The following TRIM29 variants were observed in gnomAD, a reference collection of about 807,000 sequenced individuals.
The protein encoded by TRIM29 is tripartite motif-containing protein 29.
Under a neutral mutation model 57.3 loss-of-function variants are expected in TRIM29, and 52 were observed. The observed-to-expected ratio is 0.91, with a 90% CI of 0.73 to 1.14. TRIM29 has a LOEUF of 1.14. Among genes scored for constraint, TRIM29 ranks in the 50% most tolerant of loss-of-function variants. TRIM29 has a pLI of 0.00. For missense variants in TRIM29, 753 were observed against 774.6 expected (o/e 0.97, Z 0.33); for synonymous variants, 319 against 316.9 (o/e 1.01, Z -0.07).
rs541559605 is a variant in TRIM29 at position 120,122,847 on chromosome 11, C to T, written c.1435+107G>A. 3.6e-6 allele frequency: 3 copies of T among 830,200 alleles called. No individual in the cohort carries two copies. In the South Asian group the frequency reaches 4.7e-5, roughly 13 times the overall value. The allele number at this position is 830,200 out of a possible 1,614,324, so 51.4% of individuals were successfully genotyped here. A position where few individuals can be genotyped will look rare whatever the true frequency, so the allele number is the denominator to read the frequency against. On this transcript the variant is annotated intron_variant, in intron 5 of 8. Transcript: ENST00000341846. ...ACTTTCCCAGGCAAACTGGACATGC[C>T]ATCACCCCCACTCAGAAGGAACCTG...
chr11:120,134,929 G>A (rs539825039), intron 1 of TRIM29, among the ~76,000 whole-genome samples: 11 of 152,302 alleles, frequency 7.2e-5, no homozygotes, highest in East Asian at 1.9e-4. Flanking sequence ...ACGGTTTGAC[G>A]TTAACTTCTA....
intron 7 of TRIM29, 75 bp downstream of exon 7, chr11:120,118,148 G>A (rs1245561244): frequency 3.7e-6 from 5 of 1,359,900 alleles, no homozygotes; most frequent in East Asian, 2.4e-5. Flanking sequence ...GCAGCTCAGC[G>A]AAGAGACCCA....
Position 120,112,244 on chromosome 11 carries a change from G to A in TRIM29, c.*170C>T, listed in dbSNP as rs1182778324. On this transcript the variant is annotated 3_prime_UTR_variant, in exon 9 of 9. Transcript: ENST00000341846. ...AGTCTGAATGGAGTGTGGCCAGTGG[G>A]GAAGTCGGAGAGGCCGGAACTGCCC... is the stretch of plus-strand genomic sequence containing the variant. The A allele has an allele frequency of 4.7e-6, 3 of 640,732 alleles. No homozygotes were observed. Among genetic ancestry groups the A allele is most frequent in the Non-Finnish European group, 8.0e-6 (3 of 374,778 alleles). The allele number at this position is 640,732 out of a possible 1,614,324, so 39.7% of individuals were successfully genotyped here.
At chr11:120,120,215 G>A (rs1360350948) in intron 6 of TRIM29, among the ~76,000 whole-genome samples, 1 of 151,878 alleles carries the variant, frequency 6.6e-6, no homozygotes. Flanking sequence ...CAAGGTGGCT[G>A]CTCAGACCCA....
chr11:120,117,069 G>A (rs1452878524), intron 7 of TRIM29: 1 of 431,912 alleles, frequency 2.3e-6, no homozygotes, highest in African/African-American at 2.0e-5. Flanking sequence ...TGCTGGGAGA[G>A]AGAGAGGCAT....
At chr11:120,114,692 G>T (rs1191144541) in intron 8 of TRIM29, among the ~76,000 whole-genome samples, 1 of 152,156 alleles carries the variant, frequency 6.6e-6, no homozygotes. Context: ...GGGCACTGGG[G>T]ATCATCTCAG....
chr11:120,115,539 C>T, intron 7 of TRIM29, 125 bp from the exon 8 acceptor site: 2 of 833,746 alleles, frequency 2.4e-6, no homozygotes, highest in Non-Finnish European at 1.9e-6. Context: ...TTACCAAATG[C>T]AGCCGTCTGA....
Position 120,120,573 on chromosome 11 carries a change from C to T in TRIM29, c.1528G>A (p.Gly510Ser), listed in dbSNP as rs1363664917. 1.9e-6 allele frequency: 3 copies of T among 1,612,698 alleles called. No individual in the cohort carries two copies. The highest frequency in any genetic ancestry group is 2.2e-5 in the East Asian group (1 of 44,860). ...KNFNNLYGTK[G>S]NYTSRVWEYS... ...ACCCTTGAGCTGAGCCACCACCTAC[C>T]TTTGGTGCCATAGAGATTGTTGAAA... Residue 510 changes from glycine (G) to serine (S), a missense_variant and splice_region_variant, in exon 6 of 9, where the codon GGT becomes AGT. Transcript: ENST00000341846.
At chr11:120,131,255 G>A (rs1863716962) in intron 1 of TRIM29, among the ~76,000 whole-genome samples, 1 of 152,120 alleles carries the variant, frequency 6.6e-6, no homozygotes, top group East Asian at 1.9e-4. Context: ...CAAGACAGAC[G>A]AAGGAGATAG....
rs1227900077 is a variant in TRIM29 at position 120,111,959 on chromosome 11, G to A, written c.*455C>T. On this transcript the variant is annotated 3_prime_UTR_variant, in exon 9 of 9. Coordinates refer to ENST00000341846, the MANE Select transcript of TRIM29 (RefSeq NM_012101.4). The stretch of plus-strand genomic sequence containing the variant: ...TGGGCCATGTGAATGGGAGATGGGT[G>A]GCTGTGCTGTCCAGGCATCTGCTGA... The A allele has an allele frequency of 5.6e-6, 1 of 179,606 alleles. No individual in the cohort carries two copies. The highest frequency in any genetic ancestry group is 2.4e-5 in the African/African-American group (1 of 41,632). 11.1% of individuals were successfully genotyped at this position (179,606 alleles called of 1,614,324 possible).
At chr11:120,121,391 G>A (rs1241023015) in intron 5 of TRIM29, 1 of 157,416 alleles carries the variant, frequency 6.4e-6, no homozygotes, top group African/African-American at 2.4e-5. Context: ...TCAGGACCCA[G>A]TCCCTTTAGG....
At chr11:120,120,995 G>A in intron 5 of TRIM29, 2 of 397,888 alleles carry the variant, frequency 5.0e-6, no homozygotes, top group South Asian at 4.1e-5. Context: ...CCTCCCAGGG[G>A]CCCACCCAGG....
intron 5 of TRIM29, 80 bp from the exon 6 acceptor site, chr11:120,120,745 G>C (rs1377393651): frequency 4.9e-6 from 6 of 1,222,308 alleles, no homozygotes; most frequent in African/African-American, 3.0e-5. Flanking sequence ...TTGCCCAAGT[G>C]CCCATCACAG....
At position 120,119,248 on chromosome 11, in the gene TRIM29, G is replaced by T. The variant is rs3781667; in HGVS notation, c.1529-927C>A. 0.015 allele frequency among the ~76,000 whole-genome samples: 2,311 copies of T among 152,214 alleles called. 108 individuals carry two copies. The East Asian group carries it at 0.16, about 10-fold the overall frequency. ...GAGTGGGGGGCTCAGAGTCCCCATG[G>T]GTGACGCACACTTCTCCAGCACCAC... On this transcript the variant is annotated intron_variant, in intron 6 of 8. Transcript: ENST00000341846.
At chr11:120,134,450 C>G (rs1258468531) in intron 1 of TRIM29, among the ~76,000 whole-genome samples, 1 of 152,202 alleles carries the variant, frequency 6.6e-6, no homozygotes, top group Non-Finnish European at 1.5e-5. Flanking sequence ...GGAGATGCCT[C>G]AAAAGGATGC....
chr11:120,131,787 A>T (rs1402304481), intron 1 of TRIM29, among the ~76,000 whole-genome samples: 1 of 151,098 alleles, frequency 6.6e-6, no homozygotes, highest in Non-Finnish European at 1.5e-5. Context: ...CCTGTATAGG[A>T]AGTAATATAA....
At position 120,111,589 on chromosome 11, in the gene TRIM29, C is replaced by T. The variant is rs1053098027; in HGVS notation, c.*825G>A. The T allele has an allele frequency of 2.0e-5, 3 of 152,210 alleles. No homozygotes were observed. The highest frequency in any genetic ancestry group is 7.2e-5 in the African/African-American group (3 of 41,414). 9.4% of individuals were successfully genotyped at this position (152,210 alleles called of 1,614,324 possible). A position where few individuals can be genotyped will look rare whatever the true frequency, so the allele number is the denominator to read the frequency against. ...CACACTCCATCGCCAGAGAGAATGC[C>T]AAAGTGTAGACTGAATGAAATTCTG... is the stretch of plus-strand genomic sequence containing the variant. On this transcript the variant is annotated 3_prime_UTR_variant, in exon 9 of 9. Coordinates refer to ENST00000341846, the MANE Select transcript of TRIM29 (RefSeq NM_012101.4).
In TRIM29 at chr11:120,137,985, G is replaced by A. The variant is rs761619086; in HGVS notation, c.47C>T (p.Ala16Val). Residue 16 changes from alanine to valine, a missense_variant, in exon 1 of 9, where the codon GCC (alanine) becomes GTC (valine). Transcript: ENST00000341846. The surrounding 1 kb of genome is among the most constrained non-coding windows in gnomAD (Gnocchi z 6.2). ...GCCCGACGGGCTCCGGGCATCCCTG[G>A]CTTCTGGGCTCGACCCGTTGCTCCT... ...ASRSNGSSPE[A>V]RDARSPSGPS... 2 of 1,603,986 alleles carry A rather than the reference G, an allele frequency of 1.2e-6. No individual in the cohort carries two copies. The highest frequency in any genetic ancestry group is 1.7e-6 in the Non-Finnish European group (2 of 1,179,858).
intron 8 of TRIM29, chr11:120,113,428 G>A (rs1017778370): frequency 5.5e-5 from 17 of 309,106 alleles, no homozygotes; most frequent in Non-Finnish European, 8.5e-5. Flanking sequence ...ATCAGCCCCC[G>A]GGGGTCTCAG....
Sources: allele counts gnomAD v4.1 joint callset (sites outside exome capture counted in the v4.1 genomes callset), GRCh38; gene constraint gnomAD v4.1.1; non-coding constraint Gnocchi (gnomAD v3.1); transcripts MANE v1.5; gene names NCBI Gene and HGNC (gene_info 2026-07-23, HGNC 2026-07-21).